The following CADPS variants were observed in gnomAD, a reference collection of about 807,000 sequenced individuals.
CADPS encodes the protein calcium dependent secretion activator, also known as calcium-dependent secretion activator 1.
In CADPS, 57 loss-of-function variants were observed where a neutral mutation model predicts 167.3. That is an observed-to-expected ratio of 0.34 (90% confidence interval 0.28 to 0.42). CADPS has a LOEUF of 0.42. CADPS is among the 20% of genes least tolerant of loss of function. The probability of loss-of-function intolerance (pLI) is 1.00; values close to 1 mark genes in which losing one functional copy is unlikely to be tolerated. For synonymous variants in CADPS, 676 were observed against 635.3 expected (o/e 1.06, Z -0.96); for missense variants, 1,414 against 1,738.1 (o/e 0.81, Z 3.32).
intron 1 of CADPS, among the ~76,000 whole-genome samples, chr3:62,835,654 G>A (rs905329633): frequency 2.0e-5 from 3 of 152,120 alleles, no homozygotes; most frequent in African/African-American, 7.2e-5. Context: ...AAGAGGGGAC[G>A]TGGCAAATCA....
intron 1 of CADPS, among the ~76,000 whole-genome samples, chr3:62,789,462 C>G (rs1162719708): frequency 1.3e-5 from 2 of 152,110 alleles, no homozygotes; most frequent in Non-Finnish European, 1.5e-5. Context: ...AAATGGCAGG[C>G]CTGTTAGCAT....
intron 6 of CADPS, among the ~76,000 whole-genome samples, chr3:62,621,230 G>A (rs1303499720): frequency 6.6e-6 from 1 of 152,148 alleles, no homozygotes; most frequent in African/African-American, 2.4e-5. Context: ...CATGTCCAGA[G>A]GACTATTACC....
Position 62,544,901 on chromosome 3 carries a change from TA to T in CADPS, c.1966+5001del. The T allele has an allele frequency of 1.7e-6, 2 of 1,197,956 alleles. No homozygotes were observed. The highest frequency in any genetic ancestry group is 2.1e-6 in the Non-Finnish European group (2 of 940,398). The allele number at this position is 1,197,956 out of a possible 1,614,324, so 74.2% of individuals were successfully genotyped here. A position where few individuals can be genotyped will look rare whatever the true frequency, so the allele number is the denominator to read the frequency against. ...TAAGAAGGAACAAACCAGAATAACA[TA>T]AAGACTAGCAACAAGGCTCAGGAAA... On this transcript the variant is annotated intron_variant, in intron 11 of 29. Transcript: ENST00000383710. This position sits in a 1 kb window ranked among gnomAD's most constrained non-coding sequence, Gnocchi z 4.4.
Position 62,465,431 on chromosome 3 carries a change from C to T in CADPS, c.3572G>A (p.Gly1191Glu). ...LVAKFVTILEGVLAKLSRYDE... is the reference protein window; with the variant it reads ...LVAKFVTILEEVLAKLSRYDE... The stretch of plus-strand genomic sequence containing the variant: ...ATATCTGGATAATTTTGCCAGCACT[C>T]CTTCCAAGATAGTAACGAACTAGAA... Residue 1191 changes from glycine to glutamate, a missense_variant, in exon 26 of 30, where the codon GGA (glycine) becomes GAA (glutamate). Physicochemically the swap from Gly to Glu is moderately conservative, Grantham distance 98. This residue lies in a region of CADPS where 185 missense variants were observed against 251.5 expected (regional missense o/e 0.74). Coordinates refer to ENST00000383710, the MANE Select transcript of CADPS (RefSeq NM_003716.4). This position sits in a 1 kb window ranked among gnomAD's most constrained non-coding sequence, Gnocchi z 4.1. 6.2e-7 allele frequency: 1 copy of T among 1,608,844 alleles called. No individual in the cohort carries two copies. Among genetic ancestry groups the T allele is most frequent in the Non-Finnish European group, 8.5e-7 (1 of 1,177,782 alleles).
In CADPS at chr3:62,753,865, C is replaced by T. The variant is rs1482869833; in HGVS notation, c.556-92G>A. The T allele has an allele frequency of 8.0e-6, 10 of 1,249,762 alleles. No individual in the cohort carries two copies. The highest frequency in any genetic ancestry group is 2.5e-5 in the East Asian group (1 of 39,582). The allele number at this position is 1,249,762 out of a possible 1,614,324, so 77.4% of individuals were successfully genotyped here. A position where few individuals can be genotyped will look rare whatever the true frequency, so the allele number is the denominator to read the frequency against. ...CTGGACACTGGGCCAGTCCACCTCA[C>T]GTGCATCCCAGGAGGAACCACTGTG... On this transcript the variant is annotated intron_variant, in intron 2 of 29. Coordinates refer to ENST00000383710, the MANE Select transcript of CADPS (RefSeq NM_003716.4). This position sits in a 1 kb window ranked among gnomAD's most constrained non-coding sequence, Gnocchi z 4.6.
intron 1 of CADPS, among the ~76,000 whole-genome samples, chr3:62,872,971 C>A (rs1319827749): frequency 6.6e-6 from 1 of 152,184 alleles, no homozygotes; most frequent in East Asian, 1.9e-4. Flanking sequence ...GAAATGTGAA[C>A]TATTAGGCCC....
chr3:62,441,545 G>GTACTAGAACTTCCCTCCAGTAGTGTGGA (rs2056314467), intron 27 of CADPS, among the ~76,000 whole-genome samples: 2 of 152,240 alleles, frequency 1.3e-5, no homozygotes, highest in Non-Finnish European at 2.9e-5. Context: ...TAGGTGACTG[G>GTACTAGAACTTCCCTCCAGTAGTGTGGA]TACTAGAACT....
chr3:62,707,828 A>G (rs1239843380), intron 3 of CADPS, among the ~76,000 whole-genome samples: 1 of 152,158 alleles, frequency 6.6e-6, no homozygotes, highest in Non-Finnish European at 1.5e-5. Flanking sequence ...TAATGGAGCT[A>G]CTAGGAAATT....
intron 1 of CADPS, among the ~76,000 whole-genome samples, chr3:62,840,006 T>C (rs950877998): frequency 6.6e-6 from 1 of 152,154 alleles, no homozygotes. Flanking sequence ...GTCGGGGACA[T>C]ACTGAGTTGA....
chr3:62,480,083 T>C (rs1314936802), intron 22 of CADPS, among the ~76,000 whole-genome samples: 1 of 152,160 alleles, frequency 6.6e-6, no homozygotes, highest in Admixed American at 6.5e-5. Flanking sequence ...GAAGAGCTTA[T>C]TATTAAGTTT....
intron 11 of CADPS, among the ~76,000 whole-genome samples, chr3:62,549,487 T>C (rs1191478161): frequency 6.7e-6 from 1 of 148,294 alleles, no homozygotes; most frequent in African/African-American, 2.5e-5. Flanking sequence ...AATGTCATCA[T>C]TTATTTTTAA....
At chr3:62,723,175 A>G (rs2076126293) in intron 3 of CADPS, among the ~76,000 whole-genome samples, 1 of 152,220 alleles carries the variant, frequency 6.6e-6, no homozygotes, top group Non-Finnish European at 1.5e-5. Context: ...GCTACAAGGG[A>G]AAAGTACAGT....
chr3:62,425,585 C>T (rs975826534), intron 28 of CADPS, among the ~76,000 whole-genome samples: 24 of 152,086 alleles, frequency 1.6e-4, no homozygotes, highest in Non-Finnish European at 2.5e-4. Context: ...GGTTAAGAAG[C>T]AAACATTAAA....
At chr3:62,679,744 G>A (rs904639736) in intron 3 of CADPS, among the ~76,000 whole-genome samples, 5 of 152,060 alleles carry the variant, frequency 3.3e-5, no homozygotes, top group Non-Finnish European at 7.4e-5. Context: ...AAGAGGCAGG[G>A]AGGTTATGAG....
chr3:62,586,505 G>A (rs2084665738), intron 7 of CADPS, among the ~76,000 whole-genome samples: 1 of 152,032 alleles, frequency 6.6e-6, no homozygotes, highest in Admixed American at 6.5e-5. Context: ...AGGAGGCCAT[G>A]GCAGAAAAAA....
At chr3:62,751,942 G>T (rs1480001807) in intron 3 of CADPS, among the ~76,000 whole-genome samples, 1 of 152,108 alleles carries the variant, frequency 6.6e-6, no homozygotes, top group African/African-American at 2.4e-5. Context: ...CATAACAATG[G>T]ATTCACTCCA....
At chr3:62,666,679 C>T (rs1378699605) in intron 3 of CADPS, among the ~76,000 whole-genome samples, 1 of 152,164 alleles carries the variant, frequency 6.6e-6, no homozygotes, top group Non-Finnish European at 1.5e-5. Flanking sequence ...TGGGCTTTTC[C>T]TTTAAAGTGA....
chr3:62,650,451 T>C (rs1215813730), intron 5 of CADPS, among the ~76,000 whole-genome samples: 1 of 152,208 alleles, frequency 6.6e-6, no homozygotes, highest in African/African-American at 2.4e-5. Context: ...ACTCTCTACC[T>C]TGTAGCCAAC....
intron 3 of CADPS, among the ~76,000 whole-genome samples, chr3:62,723,090 C>G (rs2076114157): frequency 6.6e-6 from 1 of 152,174 alleles, no homozygotes; most frequent in Non-Finnish European, 1.5e-5. Flanking sequence ...CTGGGGCCAT[C>G]AGAAAGCTCC....
Sources: gnomAD v4.1 joint callset for allele counts (sites outside exome capture counted in the v4.1 genomes callset) on GRCh38, gnomAD v4.1.1 for gene constraint, gnomAD v4.1.1 regional missense constraint, Gnocchi (gnomAD v3.1) non-coding constraint, MANE v1.5 for transcripts, NCBI Gene and HGNC (gene_info 2026-07-23, HGNC 2026-07-21) for gene names.